NOP58: variants seen among roughly 807,000 people sequenced by gnomAD.
NOP58 encodes the protein nucleolar protein 58.
NOP58 carries 44 observed loss-of-function variants against 71.2 expected under a neutral mutation model. The ratio of observed to expected loss-of-function variants is 0.62; its 90% confidence interval spans 0.49 to 0.79. NOP58 has a LOEUF of 0.79. Ranked by LOEUF, NOP58 falls within the 30% of genes least tolerant of loss-of-function variation. NOP58 has a pLI of 0.00. For missense variants in NOP58, 538 were observed against 620.2 expected (o/e 0.87, Z 1.41); for synonymous variants, 228 against 200.3 (o/e 1.14, Z -1.17).
At chr2:202,268,168 C>T (rs914260825) in intron 1 of NOP58, among the ~76,000 whole-genome samples, 1 of 152,096 alleles carries the variant, frequency 6.6e-6, no homozygotes, top group African/African-American at 2.4e-5. Context: ...AATTTTATCT[C>T]CTAAAAAAGT....
chr2:202,265,860 CT>C lies in NOP58; in HGVS notation c.-78del. On this transcript the variant is annotated 5_prime_UTR_variant, in exon 1 of 15. Coordinates refer to ENST00000264279, the MANE Select transcript of NOP58 (RefSeq NM_015934.5). Reference sequence around the variant, plus strand: ...CTTTGCCCGCCGCGGCCTAGGAGGCCTTTTGAGGCCGCGTAGTCGGTGTTTT... The same window carrying C: ...CTTTGCCCGCCGCGGCCTAGGAGGCCTTTGAGGCCGCGTAGTCGGTGTTTT... 6.3e-7 allele frequency: 1 copy of C among 1,574,828 alleles called. No individual in the cohort carries two copies. Among genetic ancestry groups the C allele is most frequent in the Non-Finnish European group, 8.7e-7 (1 of 1,147,064 alleles).
chr2:202,297,565 A>C lies in NOP58; in HGVS notation c.1206+52A>C, dbSNP rs188959548. The C allele has an allele frequency of 6.0e-5, 93 of 1,547,908 alleles. 1 individual carries two copies. In the Admixed American group the frequency reaches 1.7e-3, roughly 29 times the overall value. ...GAAGTATTACTTGTCAAAAGTTAATAAACTGAGTAAATTTATTAACTTCAT... is the reference window on the plus strand; with the variant it reads ...GAAGTATTACTTGTCAAAAGTTAATCAACTGAGTAAATTTATTAACTTCAT... On this transcript the variant is annotated intron_variant, in intron 11 of 14. Transcript: ENST00000264279.
intron 4 of NOP58, 40 bp downstream of exon 4, chr2:202,282,512 T>G: frequency 6.3e-7 from 1 of 1,576,624 alleles, no homozygotes. Flanking sequence ...GCTAGTCAGA[T>G]CTCACAGCAT....
rs1256173279 is a variant in NOP58 at position 202,277,049 on chromosome 2, A to G, written c.123-901A>G. Among the ~76,000 whole-genome samples, 4 of 152,182 alleles carry G rather than the reference A, an allele frequency of 2.6e-5. No homozygotes were observed. In the East Asian group the frequency reaches 7.7e-4, roughly 29 times the overall value. Reference sequence around the variant, plus strand: ...ACGCCTGTAATCCCAGCACTTTGGGAGGCCAAGGCGGGCGGATGATGAGGT... The same window carrying G: ...ACGCCTGTAATCCCAGCACTTTGGGGGGCCAAGGCGGGCGGATGATGAGGT... On this transcript the variant is annotated intron_variant, in intron 2 of 14. Transcript: ENST00000264279.
At chr2:202,267,519 C>CT (rs1223447169) in intron 1 of NOP58, among the ~76,000 whole-genome samples, 1 of 152,176 alleles carries the variant, frequency 6.6e-6, no homozygotes, top group African/African-American at 2.4e-5. Flanking sequence ...CCTTAGTCCC[C>CT]TTTAGAGCTA....
intron 3 of NOP58, among the ~76,000 whole-genome samples, chr2:202,280,806 G>C (rs1190844005): frequency 1.3e-5 from 2 of 148,244 alleles, no homozygotes; most frequent in Non-Finnish European, 3.0e-5. Context: ...TCTTCGGCTG[G>C]AGTACAGGGG....
chr2:202,277,958 TA>T lies in NOP58; in HGVS notation c.135del (p.Lys45AsnfsTer13). On this transcript the variant is annotated frameshift_variant, in exon 3 of 15. Transcript: ENST00000264279. LOFTEE classifies it high-confidence loss of function. Reference sequence around the variant, plus strand: ...TTTTTTTTTAATTCTAGAGTAAAGCTAAAACATTTTGAGAAATTTCAGGATA... The same window carrying T: ...TTTTTTTTTAATTCTAGAGTAAAGCTAAACATTTTGAGAAATTTCAGGATA... Reference protein sequence around the residue: ...TPEKANKIVKLKHFEKFQDTA... With the variant: ...TPEKANKIVKXKHFEKFQDTA... 2 of 1,505,736 alleles carry T rather than the reference TA, an allele frequency of 1.3e-6. No homozygotes were observed. Among genetic ancestry groups the T allele is most frequent in the Non-Finnish European group, 1.8e-6 (2 of 1,091,706 alleles). 93.3% of individuals were successfully genotyped at this position (1,505,736 alleles called of 1,614,324 possible).
In NOP58 at chr2:202,283,444, AT is replaced by A. The variant is rs112839981; in HGVS notation, c.298-886del. ...CATGTGCCACCACGCCCAACCTGTA[AT>A]TTTTTTTTTTTTTTAAGACGGAGTC... is the stretch of plus-strand genomic sequence containing the variant. On this transcript the variant is annotated intron_variant, in intron 4 of 14. Transcript: ENST00000264279. Among the ~76,000 whole-genome samples the A allele has an allele frequency of 2.5e-3, 339 of 134,676 alleles. 2 individuals carry two copies. The highest frequency in any genetic ancestry group is 4.0e-3 in the Middle Eastern group (1 of 252). The allele number at this position is 134,676 out of a possible 152,430, so 88.4% of individuals were successfully genotyped here.
At chr2:202,282,027 A>G (rs984674453) in intron 3 of NOP58, among the ~76,000 whole-genome samples, 6 of 152,228 alleles carry the variant, frequency 3.9e-5, no homozygotes, top group African/African-American at 1.4e-4. Flanking sequence ...ATGACAAAGG[A>G]AAGTGAGTCT....
At chr2:202,293,174 A>G (rs1238094668) in intron 9 of NOP58, 6 of 636,120 alleles carry the variant, frequency 9.4e-6, no homozygotes, top group Admixed American at 9.1e-5. Context: ...GTTAATTAGA[A>G]CAATCGGATG....
chr2:202,276,904 C>T (rs765935889), intron 2 of NOP58, among the ~76,000 whole-genome samples: 5 of 151,680 alleles, frequency 3.3e-5, no homozygotes, highest in African/African-American at 1.2e-4. Context: ...TTTGGGAGGT[C>T]GAGGTGGGTG....
intron 6 of NOP58, among the ~76,000 whole-genome samples, chr2:202,289,619 A>G (rs974136274): frequency 6.6e-6 from 1 of 152,210 alleles, no homozygotes; most frequent in African/African-American, 2.4e-5. Context: ...ACACAGTGGA[A>G]TGTTAGTCAG....
intron 6 of NOP58, among the ~76,000 whole-genome samples, chr2:202,289,218 T>TC: frequency 6.6e-6 from 1 of 152,330 alleles, no homozygotes; most frequent in Non-Finnish European, 1.5e-5. Flanking sequence ...ACACCTATGT[T>TC]CATAACAGTG....
At chr2:202,276,101 T>C (rs1448330413) in intron 2 of NOP58, among the ~76,000 whole-genome samples, 1 of 152,058 alleles carries the variant, frequency 6.6e-6, no homozygotes, top group Admixed American at 6.6e-5. Context: ...TACTTTGGGA[T>C]ACCAAGGTGG....
At chr2:202,267,966 G>A (rs1264509918) in intron 1 of NOP58, among the ~76,000 whole-genome samples, 2 of 152,124 alleles carry the variant, frequency 1.3e-5, no homozygotes, top group African/African-American at 4.8e-5. Flanking sequence ...AGTTAAGCTC[G>A]AATATGTTGA....
At chr2:202,296,963 G>A (rs969184680) in intron 10 of NOP58, among the ~76,000 whole-genome samples, 15 of 152,062 alleles carry the variant, frequency 9.9e-5, no homozygotes, top group Non-Finnish European at 1.8e-4. Flanking sequence ...TCGATCTCCT[G>A]ACCTCGTGAT....
chr2:202,268,933 T>TAA (rs1160000991), intron 1 of NOP58, among the ~76,000 whole-genome samples: 12 of 151,882 alleles, frequency 7.9e-5, no homozygotes, highest in African/African-American at 2.9e-4. Context: ...AACTTCCATT[T>TAA]ACAGTGAGGA....
At chr2:202,298,039 T>C (rs868564273) in intron 12 of NOP58, 133 bp downstream of exon 12, 1 of 576,564 alleles carries the variant, frequency 1.7e-6, no homozygotes, top group Middle Eastern at 3.9e-4. Flanking sequence ...CAAAATTGTG[T>C]ATGTTTATTG....
Position 202,297,362 on chromosome 2 carries a change from T to C in NOP58, c.1072-17T>C. Reference sequence around the variant, plus strand: ...ACATCTGAACATGGAATATAGTTCTTCATGTTTTTCTATTAGATTTCTCGA... The same window carrying C: ...ACATCTGAACATGGAATATAGTTCTCCATGTTTTTCTATTAGATTTCTCGA... On this transcript the variant is annotated splice_polypyrimidine_tract_variant and intron_variant, in intron 10 of 14. Transcript: ENST00000264279. 1 of 1,608,142 alleles carries C rather than the reference T, an allele frequency of 6.2e-7. No homozygotes were observed. The highest frequency in any genetic ancestry group is 8.5e-7 in the Non-Finnish European group (1 of 1,176,834).
Sources: allele counts gnomAD v4.1 joint callset (sites outside exome capture counted in the v4.1 genomes callset), GRCh38; gene constraint gnomAD v4.1.1; transcripts MANE v1.5; gene names NCBI Gene and HGNC (gene_info 2026-07-23, HGNC 2026-07-21).